The following DAAM1 variants were observed in gnomAD, a reference collection of about 807,000 sequenced individuals.
The protein encoded by DAAM1 is disheveled-associated activator of morphogenesis 1.
DAAM1 carries 52 observed loss-of-function variants against 130.0 expected under a neutral mutation model. The observed-to-expected ratio is 0.40, with a 90% CI of 0.32 to 0.50. The LOEUF (loss-of-function observed/expected upper bound fraction) is 0.50. Among genes scored for constraint, DAAM1 ranks in the 20% least tolerant of loss-of-function variants. The pLI is 0.61. For synonymous variants in DAAM1, 452 were observed against 444.5 expected (o/e 1.02, Z -0.21); for missense variants, 1,134 against 1,303.8 (o/e 0.87, Z 2.01).
At chr14:59,303,238 T>C (rs1884244988) in intron 3 of DAAM1, among the ~76,000 whole-genome samples, 2 of 152,210 alleles carry the variant, frequency 1.3e-5, no homozygotes, top group African/African-American at 4.8e-5. Flanking sequence ...AATGGACTCC[T>C]ATAGTGTCCT....
chr14:59,311,574 A>T (rs1213174188), intron 3 of DAAM1, among the ~76,000 whole-genome samples: 1 of 151,818 alleles, frequency 6.6e-6, no homozygotes, highest in Non-Finnish European at 1.5e-5. Flanking sequence ...AAAAAAAGAA[A>T]ACCTTCCCTT....
intron 1 of DAAM1, among the ~76,000 whole-genome samples, chr14:59,224,793 T>A (rs577913543): frequency 6.6e-6 from 1 of 152,356 alleles, no homozygotes; most frequent in African/African-American, 2.4e-5. Context: ...GGTGGTGCTA[T>A]TAGAAGGTGG....
chr14:59,249,649 A>G (rs1041587387), intron 1 of DAAM1, among the ~76,000 whole-genome samples: 3 of 152,214 alleles, frequency 2.0e-5, no homozygotes, highest in South Asian at 4.1e-4. Flanking sequence ...TCTCAAGACC[A>G]TCTCTTTCCC....
chr14:59,236,826 A>G (rs1211228847), intron 1 of DAAM1, among the ~76,000 whole-genome samples: 1 of 152,122 alleles, frequency 6.6e-6, no homozygotes, highest in Non-Finnish European at 1.5e-5. Flanking sequence ...ATTTATTTGT[A>G]ATATAAGTGG....
chr14:59,346,130 C>CT (rs1283707929), intron 16 of DAAM1, among the ~76,000 whole-genome samples: 28 of 59,542 alleles, frequency 4.7e-4, no homozygotes, highest in African/African-American at 9.7e-4. Flanking sequence ...AACACAATCC[C>CT]TTTTTTTTGG....
At chr14:59,197,802 T>C (rs1174330027) in intron 1 of DAAM1, among the ~76,000 whole-genome samples, 1 of 152,232 alleles carries the variant, frequency 6.6e-6, no homozygotes, top group Middle Eastern at 3.2e-3. Context: ...TTGGCTTCTC[T>C]GTGGGCAGGG....
intron 1 of DAAM1, among the ~76,000 whole-genome samples, chr14:59,235,142 A>G (rs962724090): frequency 8.5e-5 from 13 of 152,100 alleles, no homozygotes; most frequent in African/African-American, 3.1e-4. Flanking sequence ...TGGTATCAGG[A>G]TGATGTGGGC....
intron 1 of DAAM1, among the ~76,000 whole-genome samples, chr14:59,233,536 A>G (rs1889184166): frequency 6.6e-6 from 1 of 151,808 alleles, no homozygotes; most frequent in Non-Finnish European, 1.5e-5. Context: ...TGGATATTAG[A>G]CCTTTGTCAA....
chr14:59,340,615 T>G (rs2139650021), intron 16 of DAAM1, among the ~76,000 whole-genome samples: 1 of 152,336 alleles, frequency 6.6e-6, no homozygotes, highest in East Asian at 1.9e-4. Context: ...TTTCATGTTC[T>G]TTTTGAGCAT....
chr14:59,356,754 C>T (rs1264452290), intron 20 of DAAM1, among the ~76,000 whole-genome samples: 5 of 152,234 alleles, frequency 3.3e-5, no homozygotes, highest in African/African-American at 4.8e-5. Flanking sequence ...TACCAATAAC[C>T]TGGCACTTAC....
At chr14:59,358,962 T>C (rs1475854573) in intron 20 of DAAM1, among the ~76,000 whole-genome samples, 5 of 151,946 alleles carry the variant, frequency 3.3e-5, no homozygotes, top group Non-Finnish European at 2.9e-5. Context: ...CCCACTCCAC[T>C]CCACCCAAGC....
intron 22 of DAAM1, among the ~76,000 whole-genome samples, chr14:59,361,234 C>T (rs1405654913): frequency 6.6e-6 from 1 of 152,174 alleles, no homozygotes; most frequent in Admixed American, 6.5e-5. Context: ...AGTAGAACTT[C>T]TCTGTAGAAC....
chr14:59,238,588 C>T (rs1232063844), intron 1 of DAAM1, among the ~76,000 whole-genome samples: 1 of 152,152 alleles, frequency 6.6e-6, no homozygotes, highest in Non-Finnish European at 1.5e-5. Flanking sequence ...AGTTCAGCCT[C>T]TTCTTATGTT....
chr14:59,319,676 T>C (rs983245254), intron 4 of DAAM1, among the ~76,000 whole-genome samples: 1 of 151,758 alleles, frequency 6.6e-6, no homozygotes, highest in African/African-American at 2.4e-5. Context: ...GATCACAGAG[T>C]GAAAGGGAAT....
chr14:59,330,477 A>C (rs750108282), intron 12 of DAAM1, 24 bp from the exon 13 acceptor site: 3 of 1,551,966 alleles, frequency 1.9e-6, no homozygotes, highest in Non-Finnish European at 2.6e-6. Context: ...TCCTGTTTTC[A>C]TGTCCAATTG....
chr14:59,249,743 C>G (rs2139479365), intron 1 of DAAM1, among the ~76,000 whole-genome samples: 1 of 152,244 alleles, frequency 6.6e-6, no homozygotes, highest in African/African-American at 2.4e-5. Context: ...GGACCCCAAA[C>G]ATTTTACCCT....
intron 1 of DAAM1, among the ~76,000 whole-genome samples, chr14:59,253,881 A>C (rs1881754172): frequency 6.6e-6 from 1 of 152,222 alleles, no homozygotes; most frequent in African/African-American, 2.4e-5. Flanking sequence ...ACTTTGCTTC[A>C]AGATATGGTA....
chr14:59,331,864 A>G lies in DAAM1; in HGVS notation c.1912A>G (p.Lys638Glu). 1.1e-5 allele frequency: 18 copies of G among 1,614,228 alleles called. No individual in the cohort carries two copies. Among genetic ancestry groups the G allele is most frequent in the Non-Finnish European group, 1.5e-5 (18 of 1,180,020 alleles). Residue 638 changes from lysine (K) to glutamate (E), a missense_variant, in exon 15 of 25, where the codon AAA becomes GAA. Around this residue, in one of 3 missense-constraint regions of DAAM1, gnomAD observed 644 missense variants for 695.9 expected, o/e 0.93. Coordinates refer to ENST00000360909, the MANE Select transcript of DAAM1 (RefSeq NM_001270520.2). ...WTEIDDTKVFKILDLEDLERT... is the reference protein window; with the variant it reads ...WTEIDDTKVFEILDLEDLERT... ...CGAAATTGATGATACAAAAGTCTTCAAAATTCTAGATCTTGAAGACCTGGA... is the reference window on the plus strand; with the variant it reads ...CGAAATTGATGATACAAAAGTCTTCGAAATTCTAGATCTTGAAGACCTGGA...
chr14:59,353,421 TTGGAAAGTAAAA>T (rs1399935793), intron 18 of DAAM1, among the ~76,000 whole-genome samples: 1 of 152,192 alleles, frequency 6.6e-6, no homozygotes, highest in Non-Finnish European at 1.5e-5. Context: ...AGTTTTTACT[TTGGAAAGTAAAA>T]TGGAAAGTTA....
Sources: allele counts gnomAD v4.1 joint callset (sites outside exome capture counted in the v4.1 genomes callset), GRCh38; gene constraint gnomAD v4.1.1; regional missense constraint gnomAD v4.1.1; transcripts MANE v1.5; gene names NCBI Gene and HGNC (gene_info 2026-07-23, HGNC 2026-07-21).